Variants in TLL2 observed in about 807,000 individuals in gnomAD.
The protein encoded by TLL2 is tolloid like 2.
TLL2 carries 106 observed loss-of-function variants against 123.0 expected under a neutral mutation model. The observed-to-expected ratio is 0.86, with a 90% CI of 0.74 to 1.01. The LOEUF (loss-of-function observed/expected upper bound fraction) is 1.01, where lower values mean the gene tolerates loss of function less well. Ranked by LOEUF, TLL2 falls within the 50% of genes least tolerant of loss-of-function variation. The probability of loss-of-function intolerance (pLI) is 0.00; values close to 1 mark genes in which losing one functional copy is unlikely to be tolerated. For synonymous variants in TLL2, 494 were observed against 516.8 expected (o/e 0.96, Z 0.60); for missense variants, 1,332 against 1,336.7 (o/e 1.00, Z 0.06).
intron 2 of TLL2, among the ~76,000 whole-genome samples, chr10:96,463,239 C>A (rs774942423): frequency 6.6e-6 from 1 of 152,174 alleles, no homozygotes; most frequent in Non-Finnish European, 1.5e-5. Context: ...TCATGTCTTC[C>A]GAGGCATTGA....
intron 3 of TLL2, 115 bp downstream of exon 3, chr10:96,445,976 T>G (rs1264199395): frequency 1.9e-6 from 2 of 1,042,144 alleles, no homozygotes; most frequent in East Asian, 2.4e-5. Flanking sequence ...GCATTGTGAA[T>G]GTACTTAATG....
chr10:96,428,610 G>A (rs1258741656), intron 5 of TLL2, 21 bp downstream of exon 5: 2 of 1,501,886 alleles, frequency 1.3e-6, no homozygotes, highest in Non-Finnish European at 1.9e-6. Context: ...TGCAGAGGTG[G>A]CCTCGCTTTC....
intron 10 of TLL2, among the ~76,000 whole-genome samples, chr10:96,403,542 A>T (rs2134066621): frequency 6.6e-6 from 1 of 152,296 alleles, no homozygotes; most frequent in Non-Finnish European, 1.5e-5. Context: ...TACTTGGTAA[A>T]AGTCATCGCC....
At chr10:96,374,391 A>C (rs1437900975) in intron 18 of TLL2, 1 of 158,736 alleles carries the variant, frequency 6.3e-6, no homozygotes, top group Non-Finnish European at 1.4e-5. Context: ...GTGCTCTGGC[A>C]TCAGAGACCC....
At chr10:96,425,734 A>G (rs1477094371) in intron 5 of TLL2, among the ~76,000 whole-genome samples, 1 of 152,020 alleles carries the variant, frequency 6.6e-6, no homozygotes, top group Admixed American at 6.5e-5. Flanking sequence ...TGTTTCTAAC[A>G]GCTTTTCAAT....
chr10:96,409,388 C>T (rs75912715), intron 9 of TLL2, among the ~76,000 whole-genome samples: 1 of 152,146 alleles, frequency 6.6e-6, no homozygotes, highest in Non-Finnish European at 1.5e-5. Context: ...CTGGGGGTAT[C>T]CCCTAACCTA....
At chr10:96,513,361 T>C (rs933801337) in intron 1 of TLL2, 150 bp downstream of exon 1, 3 of 997,380 alleles carry the variant, frequency 3.0e-6, no homozygotes, top group African/African-American at 3.4e-5. Context: ...TTTAAGCAAT[T>C]CCTCGGAGGC....
intron 8 of TLL2, among the ~76,000 whole-genome samples, chr10:96,411,257 CAAAAAAAAAAAAAAAAAA>C (rs56011735): frequency 1.9e-3 from 183 of 95,164 alleles, no homozygotes; most frequent in African/African-American, 5.6e-3. Context: ...GACTCTGTCT[CAAAAAAAAAAAAAAAAAA>C]AAAAAAAAAA....
At chr10:96,456,969 G>T (rs910337494) in intron 2 of TLL2, among the ~76,000 whole-genome samples, 5 of 152,162 alleles carry the variant, frequency 3.3e-5, no homozygotes, top group Non-Finnish European at 7.3e-5. Context: ...ACATAGGAGG[G>T]AAACAACACG....
In TLL2 at chr10:96,424,597, A is replaced by T. The variant is rs1846660214; in HGVS notation, c.639-1870T>A. Among the ~76,000 whole-genome samples, 3 of 150,490 alleles carry T rather than the reference A, an allele frequency of 2.0e-5. No homozygotes were observed. In the South Asian group the frequency reaches 6.3e-4, roughly 32 times the overall value. Reference sequence around the variant, plus strand: ...TAGTTTTTCACATATTTTAAGCGACATTTTTTTTTCTGTGAATTATGTGAT... The same window carrying T: ...TAGTTTTTCACATATTTTAAGCGACTTTTTTTTTTCTGTGAATTATGTGAT... On this transcript the variant is annotated intron_variant, in intron 5 of 20. Transcript: ENST00000357947.
chr10:96,384,770 G>T lies in TLL2; in HGVS notation c.2014-3C>A, dbSNP rs1323689206. 1.9e-6 allele frequency: 3 copies of T among 1,572,106 alleles called. No homozygotes were observed. Among genetic ancestry groups the T allele is most frequent in the African/African-American group, 1.4e-5 (1 of 74,060 alleles). On this transcript the variant is annotated splice_region_variant and splice_polypyrimidine_tract_variant and intron_variant, in intron 15 of 20. Coordinates refer to ENST00000357947, the MANE Select transcript of TLL2 (RefSeq NM_012465.4). ...TCTACAAAGTCGTACTTACAGACCT[G>T]CAAGGGAGCATGATGGGGAGCTTCC... is the stretch of plus-strand genomic sequence containing the variant.
chr10:96,469,747 A>G (rs1342417862), intron 2 of TLL2, among the ~76,000 whole-genome samples: 3 of 152,374 alleles, frequency 2.0e-5, no homozygotes, highest in Non-Finnish European at 2.9e-5. Flanking sequence ...GGTGGGAGAA[A>G]AAGTGGTTAC....
At chr10:96,432,753 C>T in intron 4 of TLL2, 54 bp downstream of exon 4, 5 of 1,586,530 alleles carry the variant, frequency 3.2e-6, no homozygotes, top group Non-Finnish European at 8.6e-7. Flanking sequence ...ACTCTCTCAA[C>T]CCAGGGAGAC....
At chr10:96,413,841 G>A (rs1257072840) in intron 7 of TLL2, among the ~76,000 whole-genome samples, 1 of 152,168 alleles carries the variant, frequency 6.6e-6, no homozygotes, top group East Asian at 1.9e-4. Flanking sequence ...GATGGAAAAT[G>A]AGATAAATGC....
At chr10:96,396,588 T>C in intron 11 of TLL2, among the ~76,000 whole-genome samples, 1 of 149,862 alleles carries the variant, frequency 6.7e-6, no homozygotes, top group South Asian at 2.1e-4. Context: ...TTTCTTTTTT[T>C]TTTTTTTTTT....
chr10:96,481,957 G>T (rs567175009), intron 1 of TLL2, among the ~76,000 whole-genome samples: 1 of 152,272 alleles, frequency 6.6e-6, no homozygotes, highest in Non-Finnish European at 1.5e-5. Flanking sequence ...AAACTGGAAG[G>T]TTCTCTAAAA....
At chr10:96,484,837 C>A (rs762345780) in intron 1 of TLL2, among the ~76,000 whole-genome samples, 2 of 152,176 alleles carry the variant, frequency 1.3e-5, no homozygotes, top group Non-Finnish European at 2.9e-5. Context: ...AATCTATAAA[C>A]TGCCTCATGC....
At position 96,480,366 on chromosome 10, in the gene TLL2, G is replaced by A; in HGVS notation, c.269C>T (p.Ala90Val). ...GTACCTACCTGTGCTGTGTCCTGTTGCCCCCACTGTCTGCTTGGTCCAGTC... is the reference window on the plus strand; with the variant it reads ...GTACCTACCTGTGCTGTGTCCTGTTACCCCCACTGTCTGCTTGGTCCAGTC... ...ARDWTKQTVGATGHSTGGLEE... is the reference protein window; with the variant it reads ...ARDWTKQTVGVTGHSTGGLEE... Residue 90 changes from alanine to valine, a missense_variant, in exon 2 of 21, where the codon GCA becomes GTA. Coordinates refer to ENST00000357947, the MANE Select transcript of TLL2 (RefSeq NM_012465.4). The A allele has an allele frequency of 1.9e-6, 3 of 1,614,124 alleles. No homozygotes were observed. The highest frequency in any genetic ancestry group is 2.5e-6 in the Non-Finnish European group (3 of 1,179,986).
At chr10:96,378,120 T>C (rs1244637292) in intron 17 of TLL2, among the ~76,000 whole-genome samples, 1 of 152,264 alleles carries the variant, frequency 6.6e-6, no homozygotes, top group African/African-American at 2.4e-5. Flanking sequence ...CTCCTGAAGA[T>C]GTGTCAGCGC....
Sources: gnomAD v4.1 joint callset for allele counts (sites outside exome capture counted in the v4.1 genomes callset) on GRCh38, gnomAD v4.1.1 for gene constraint, MANE v1.5 for transcripts, NCBI Gene and HGNC (gene_info 2026-07-23, HGNC 2026-07-21) for gene names.